The following PCDH9 variants were observed in gnomAD, a reference collection of about 807,000 sequenced individuals.
PCDH9 encodes protocadherin 9.
PCDH9 carries 24 observed loss-of-function variants against 70.6 expected under a neutral mutation model. That is an observed-to-expected ratio of 0.34 (90% CI 0.25 to 0.48). The LOEUF is 0.48. Ranked by LOEUF, PCDH9 falls within the 20% of genes least tolerant of loss-of-function variation. The pLI is 0.99. For synonymous variants in PCDH9, 562 were observed against 558.5 expected (o/e 1.01, Z -0.09); for missense variants, 1,281 against 1,503.6 (o/e 0.85, Z 2.45).
chr13:66,484,772 G>A (rs1247199842), intron 4 of PCDH9, among the ~76,000 whole-genome samples: 3 of 152,086 alleles, frequency 2.0e-5, no homozygotes, highest in Non-Finnish European at 4.4e-5. Flanking sequence ...TCTGTCCTGG[G>A]AATATCGCTT....
intron 4 of PCDH9, among the ~76,000 whole-genome samples, chr13:66,537,235 T>C (rs1960744842): frequency 6.6e-6 from 1 of 152,088 alleles, no homozygotes; most frequent in African/African-American, 2.4e-5. Context: ...GGCTCATTAG[T>C]CAGCCAATGA....
intron 2 of PCDH9, among the ~76,000 whole-genome samples, chr13:67,185,766 C>T (rs1386939642): frequency 2.6e-5 from 4 of 152,100 alleles, no homozygotes; most frequent in African/African-American, 4.8e-5. Flanking sequence ...GAGTTTCACT[C>T]TTGTTGCCCA....
At chr13:67,030,381 T>A (rs568631618) in intron 2 of PCDH9, among the ~76,000 whole-genome samples, 1 of 152,136 alleles carries the variant, frequency 6.6e-6, no homozygotes, top group Non-Finnish European at 1.5e-5. Flanking sequence ...CTGCTCTTCA[T>A]CAAAAAAAGT....
In PCDH9 at chr13:66,420,295, A is replaced by C. The variant is rs1241984473; in HGVS notation, c.3341-115267T>G. On this transcript the variant is annotated intron_variant, in intron 4 of 4. Coordinates refer to ENST00000377865, the MANE Select transcript of PCDH9 (RefSeq NM_203487.3). ...CTGCCAGCTCTGAAGAGAGCAGCGG[A>C]TCTCCCAACACAGCACTCGAGCTCT... Among the ~76,000 whole-genome samples the C allele has an allele frequency of 2.0e-5, 3 of 152,182 alleles. No homozygotes were observed. In the East Asian group the frequency reaches 5.8e-4, roughly 29 times the overall value.
chr13:66,935,216 CCTGA>C (rs1409345029), intron 2 of PCDH9, among the ~76,000 whole-genome samples: 1 of 151,960 alleles, frequency 6.6e-6, no homozygotes, highest in East Asian at 1.9e-4. Context: ...ATGCACCATG[CCTGA>C]CTATTTTTTA....
rs2088829465 is a variant in PCDH9 at position 67,188,805 on chromosome 13, A to G, written c.3036+36600T>C. ...ATCTTTAATTTTTTTTAATTTCTGT[A>G]AGTTTTAGGGGAACAGGTGGTATTT... On this transcript the variant is annotated intron_variant, in intron 2 of 4. Coordinates refer to ENST00000377865, the MANE Select transcript of PCDH9 (RefSeq NM_203487.3). Among the ~76,000 whole-genome samples, 3 of 152,066 alleles carry G rather than the reference A, an allele frequency of 2.0e-5. 1 individual carries two copies. In the South Asian group the frequency reaches 6.2e-4, roughly 32 times the overall value.
At chr13:66,744,340 T>A (rs551541678) in intron 3 of PCDH9, among the ~76,000 whole-genome samples, 1 of 152,306 alleles carries the variant, frequency 6.6e-6, no homozygotes, top group South Asian at 2.1e-4. Context: ...TATACATGGA[T>A]CGCATGCATA....
intron 3 of PCDH9, among the ~76,000 whole-genome samples, chr13:66,711,309 AT>A (rs2139129973): frequency 6.6e-6 from 1 of 152,142 alleles, no homozygotes; most frequent in Admixed American, 6.6e-5. Flanking sequence ...GGGTCTGTGA[AT>A]TCAGATCTAT....
chr13:66,329,047 C>T (rs75478334), intron 4 of PCDH9, among the ~76,000 whole-genome samples: 2,010 of 152,198 alleles, frequency 0.013, 45 homozygotes, highest in African/African-American at 0.046. Flanking sequence ...AGTATTTACA[C>T]TTTAAGTTAA....
At chr13:66,606,851 G>A (rs897402905) in intron 4 of PCDH9, among the ~76,000 whole-genome samples, 2 of 151,734 alleles carry the variant, frequency 1.3e-5, no homozygotes, top group African/African-American at 2.4e-5. Context: ...CATTGCATAA[G>A]CAAATGTTAA....
chr13:67,151,535 T>C (rs1323002478), intron 2 of PCDH9, among the ~76,000 whole-genome samples: 1 of 152,046 alleles, frequency 6.6e-6, no homozygotes, highest in Non-Finnish European at 1.5e-5. Context: ...TTGACTTAGG[T>C]AGGGGATCTA....
At chr13:66,584,796 C>T (rs1029969581) in intron 4 of PCDH9, among the ~76,000 whole-genome samples, 2 of 151,824 alleles carry the variant, frequency 1.3e-5, no homozygotes, top group East Asian at 1.9e-4. Flanking sequence ...TAGAGGCTCA[C>T]GATGGAAATG....
chr13:66,928,169 G>C (rs987501500), intron 2 of PCDH9, among the ~76,000 whole-genome samples: 2 of 151,992 alleles, frequency 1.3e-5, no homozygotes, highest in East Asian at 1.9e-4. Flanking sequence ...GCCTGGCTTG[G>C]CAGATCAGCT....
At chr13:66,451,280 A>G (rs189033912) in intron 4 of PCDH9, among the ~76,000 whole-genome samples, 1 of 152,378 alleles carries the variant, frequency 6.6e-6, no homozygotes, top group Admixed American at 6.5e-5. Flanking sequence ...AATCTAATTT[A>G]GATGACTGTC....
At position 66,484,873 on chromosome 13, in the gene PCDH9, C is replaced by T. The variant is rs530640777; in HGVS notation, c.3340+146337G>A. On this transcript the variant is annotated intron_variant, in intron 4 of 4. Coordinates refer to ENST00000377865, the MANE Select transcript of PCDH9 (RefSeq NM_203487.3). ...GTTGTAAAAATCAAATAGAATAAAA[C>T]ATGTAAGAGTGCTTTGTAAAATGAA... 4.6e-5 allele frequency among the ~76,000 whole-genome samples: 7 copies of T among 152,204 alleles called. 1 individual carries two copies. In the South Asian group the frequency reaches 1.5e-3, roughly 32 times the overall value.
chr13:67,091,327 A>G (rs544674913), intron 2 of PCDH9, among the ~76,000 whole-genome samples: 1 of 152,306 alleles, frequency 6.6e-6, no homozygotes, highest in Non-Finnish European at 1.5e-5. Flanking sequence ...TTCATGAAAA[A>G]TGCAAGAGGT....
At chr13:66,762,112 T>C (rs2079638434) in intron 3 of PCDH9, among the ~76,000 whole-genome samples, 1 of 152,070 alleles carries the variant, frequency 6.6e-6, no homozygotes, top group Non-Finnish European at 1.5e-5. Flanking sequence ...TTTTCAGTGG[T>C]AGGTAATGCC....
chr13:66,304,260 C>CAAAAAAAAAAAAAAAAAAA lies in PCDH9; in HGVS notation c.*376_*394dup, dbSNP rs55837718. 20 of 65,358 alleles carry CAAAAAAAAAAAAAAAAAAA rather than the reference C, an allele frequency of 3.1e-4. 3 individuals carry two copies. Among genetic ancestry groups the CAAAAAAAAAAAAAAAAAAA allele is most frequent in the African/African-American group, 3.9e-4 (6 of 15,538 alleles). The allele number at this position is 65,358 out of a possible 1,614,324, so 4.0% of individuals were successfully genotyped here. A position where few individuals can be genotyped will look rare whatever the true frequency, so the allele number is the denominator to read the frequency against. On this transcript the variant is annotated 3_prime_UTR_variant, in exon 5 of 5. Transcript: ENST00000377865. ...TAGCAGTCCCAGCACAAATCAATGACAAAAAAAAAAAAAAAAAAAAAAAAA... is the reference window on the plus strand; with the variant it reads ...TAGCAGTCCCAGCACAAATCAATGACAAAAAAAAAAAAAAAAAAAAAAAAAAAAAAAAAAAAAAAAAAAA...
At chr13:67,056,133 G>A (rs1457346994) in intron 2 of PCDH9, among the ~76,000 whole-genome samples, 3 of 152,126 alleles carry the variant, frequency 2.0e-5, no homozygotes, top group Non-Finnish European at 2.9e-5. Flanking sequence ...ATTTTAAGAG[G>A]TCTTATTAAT....
Sources: gnomAD v4.1 joint callset for allele counts (sites outside exome capture counted in the v4.1 genomes callset) on GRCh38, gnomAD v4.1.1 for gene constraint, MANE v1.5 for transcripts, NCBI Gene and HGNC (gene_info 2026-07-23, HGNC 2026-07-21) for gene names.